MARCHF5: variants seen among roughly 807,000 people sequenced by gnomAD.
MARCHF5 encodes the protein E3 ubiquitin-protein ligase MARCHF5.
A neutral mutation model predicts 36.5 loss-of-function variants in MARCHF5; 5 were observed. That is an observed-to-expected ratio of 0.14 (90% CI 0.07 to 0.29). The LOEUF is 0.29. Ranked by LOEUF, MARCHF5 falls within the 10% of genes least tolerant of loss-of-function variation. The probability of loss-of-function intolerance (pLI) is 1.00; values close to 1 mark genes in which losing one functional copy is unlikely to be tolerated. For missense variants in MARCHF5, 179 were observed against 336.3 expected (o/e 0.53, Z 3.66); for synonymous variants, 103 against 109.9 (o/e 0.94, Z 0.39).
Position 92,352,319 on chromosome 10 carries a change from A to C in MARCHF5, c.*1112A>C, listed in dbSNP as rs1177605149. 1 of 152,192 alleles carries C rather than the reference A, an allele frequency of 6.6e-6. No homozygotes were observed. The highest frequency in any genetic ancestry group is 2.4e-5 in the African/African-American group (1 of 41,436). 9.4% of individuals were successfully genotyped at this position (152,192 alleles called of 1,614,324 possible). On this transcript the variant is annotated 3_prime_UTR_variant, in exon 6 of 6. Transcript: ENST00000358935. ...AGTATGAAAACAAGAAGTCTTAAGT[A>C]AATATTGAGGTCATTGTTTTTGGCT... is the stretch of plus-strand genomic sequence containing the variant.
At chr10:92,330,648 G>C (rs1013675010) in intron 2 of MARCHF5, among the ~76,000 whole-genome samples, 1 of 152,120 alleles carries the variant, frequency 6.6e-6, no homozygotes, top group Admixed American at 6.5e-5. Flanking sequence ...CTACTCCACT[G>C]TCCTATAATG....
chr10:92,337,518 C>A (rs550313013), intron 2 of MARCHF5, among the ~76,000 whole-genome samples: 7 of 151,088 alleles, frequency 4.6e-5, no homozygotes, highest in African/African-American at 1.7e-4. Context: ...AACTCCGTCT[C>A]AAAAAAAATA....
At chr10:92,298,106 A>C (rs1842969234) in intron 1 of MARCHF5, among the ~76,000 whole-genome samples, 1 of 152,162 alleles carries the variant, frequency 6.6e-6, no homozygotes, top group Admixed American at 6.5e-5. Context: ...GCTGAGGCAC[A>C]AGAATCGCTT....
intron 1 of MARCHF5, among the ~76,000 whole-genome samples, chr10:92,307,237 T>G (rs1333214124): frequency 6.8e-6 from 1 of 148,090 alleles, no homozygotes; most frequent in South Asian, 2.2e-4. Flanking sequence ...GCACGTGCCC[T>G]CCCCTCCTTT....
intron 2 of MARCHF5, among the ~76,000 whole-genome samples, chr10:92,322,244 CAAAAAAA>C (rs56391697): frequency 1.8e-4 from 5 of 27,744 alleles, no homozygotes; most frequent in African/African-American, 3.8e-4. Context: ...AACTCCGTCT[CAAAAAAA>C]AAAAAAAAAA....
At chr10:92,295,033 TAAA>T (rs977591976) in intron 1 of MARCHF5, among the ~76,000 whole-genome samples, 1 of 151,362 alleles carries the variant, frequency 6.6e-6, no homozygotes, top group Non-Finnish European at 1.5e-5. Flanking sequence ...GACCCTGTCT[TAAA>T]AAAAAATGTT....
chr10:92,304,580 C>G (rs1590647302), intron 1 of MARCHF5, among the ~76,000 whole-genome samples: 1 of 152,150 alleles, frequency 6.6e-6, no homozygotes, highest in Non-Finnish European at 1.5e-5. Context: ...GGCCTGATAA[C>G]ATTTAGCTCA....
intron 1 of MARCHF5, among the ~76,000 whole-genome samples, chr10:92,295,368 G>A (rs1407844201): frequency 1.7e-5 from 2 of 118,970 alleles, no homozygotes; most frequent in Non-Finnish European, 3.4e-5. Context: ...TGTCACTTGG[G>A]CCAACTGGTG....
At chr10:92,348,043 C>T (rs946062863) in intron 3 of MARCHF5, among the ~76,000 whole-genome samples, 1 of 151,622 alleles carries the variant, frequency 6.6e-6, no homozygotes, top group East Asian at 1.9e-4. Context: ...ATTAGCTGGG[C>T]GTGGAGGTGC....
At chr10:92,334,804 C>T (rs770671773) in intron 2 of MARCHF5, among the ~76,000 whole-genome samples, 26 of 152,194 alleles carry the variant, frequency 1.7e-4, no homozygotes, top group Admixed American at 7.2e-4. Context: ...GTTCTCAGCT[C>T]ACTTTTTTAT....
In MARCHF5 at chr10:92,292,996, A is replaced by G. The variant is rs368372935; in HGVS notation, c.35+1467A>G. 3.4e-3 allele frequency among the ~76,000 whole-genome samples: 511 copies of G among 152,274 alleles called. 2 individuals carry two copies. Among genetic ancestry groups the G allele is most frequent in the Non-Finnish European group, 5.1e-3 (347 of 68,022 alleles). Reference sequence around the variant, plus strand: ...CCAGAGGAAACCACCTGCCACTGCCAGTTCTATTCTGTTGAGACCCTGTTC... The same window carrying G: ...CCAGAGGAAACCACCTGCCACTGCCGGTTCTATTCTGTTGAGACCCTGTTC... On this transcript the variant is annotated intron_variant, in intron 1 of 5. Coordinates refer to ENST00000358935, the MANE Select transcript of MARCHF5 (RefSeq NM_017824.5).
chr10:92,338,252 G>A (rs1211514524), intron 2 of MARCHF5, among the ~76,000 whole-genome samples: 3 of 151,964 alleles, frequency 2.0e-5, no homozygotes, highest in African/African-American at 4.8e-5. Context: ...ATATACTTAC[G>A]GTCTTTAACT....
At chr10:92,320,929 C>G (rs1194918054) in intron 2 of MARCHF5, among the ~76,000 whole-genome samples, 1 of 152,034 alleles carries the variant, frequency 6.6e-6, no homozygotes, top group Admixed American at 6.6e-5. Flanking sequence ...AGACTTCCAG[C>G]CTTGGAAGCT....
Position 92,313,238 on chromosome 10 carries a change from GA to G in MARCHF5, c.238+1907del, listed in dbSNP as rs1843167244. Among the ~76,000 whole-genome samples the G allele has an allele frequency of 4.0e-5, 6 of 151,228 alleles. No individual in the cohort carries two copies. In the South Asian group the frequency reaches 1.3e-3, roughly 32 times the overall value. On this transcript the variant is annotated intron_variant, in intron 2 of 5. Coordinates refer to ENST00000358935, the MANE Select transcript of MARCHF5 (RefSeq NM_017824.5). Reference sequence around the variant, plus strand: ...GACAGAGCCGAGACTCCATCTCAAAGAAAAAAGAAAAGAGTAAAACTCTTTG... The same window carrying G: ...GACAGAGCCGAGACTCCATCTCAAAGAAAAAGAAAAGAGTAAAACTCTTTG...
Position 92,298,867 on chromosome 10 carries a change from T to C in MARCHF5, c.35+7338T>C, listed in dbSNP as rs547953814. 2.6e-5 allele frequency among the ~76,000 whole-genome samples: 4 copies of C among 152,302 alleles called. No homozygotes were observed. In the South Asian group the frequency reaches 8.3e-4, roughly 32 times the overall value. ...CATGAAGCTAGCCAAAACATAAGTTTTTCTTGTTTTCTTTGTTTTTGTTAA... is the reference window on the plus strand; with the variant it reads ...CATGAAGCTAGCCAAAACATAAGTTCTTCTTGTTTTCTTTGTTTTTGTTAA... On this transcript the variant is annotated intron_variant, in intron 1 of 5. Coordinates refer to ENST00000358935, the MANE Select transcript of MARCHF5 (RefSeq NM_017824.5).
At chr10:92,316,543 C>A (rs1843212018) in intron 2 of MARCHF5, among the ~76,000 whole-genome samples, 1 of 152,152 alleles carries the variant, frequency 6.6e-6, no homozygotes, top group Non-Finnish European at 1.5e-5. Flanking sequence ...CCCACTTTTA[C>A]TGAATAGAAG....
At chr10:92,304,430 CAG>C (rs1233175808) in intron 1 of MARCHF5, among the ~76,000 whole-genome samples, 1 of 152,070 alleles carries the variant, frequency 6.6e-6, no homozygotes, top group Non-Finnish European at 1.5e-5. Context: ...GGTTCCTTCT[CAG>C]AATGTTTTTG....
chr10:92,291,847 C>T (rs1040679287), intron 1 of MARCHF5, among the ~76,000 whole-genome samples: 1 of 151,792 alleles, frequency 6.6e-6, no homozygotes, highest in Non-Finnish European at 1.5e-5. Context: ...CCTTCCCCCT[C>T]CCCAACTTGT....
At chr10:92,313,550 A>G (rs1843171153) in intron 2 of MARCHF5, among the ~76,000 whole-genome samples, 1 of 151,782 alleles carries the variant, frequency 6.6e-6, no homozygotes, top group African/African-American at 2.4e-5. Context: ...GCTTGCAGTG[A>G]GCCAAGATAG....
Sources: allele counts gnomAD v4.1 joint callset (sites outside exome capture counted in the v4.1 genomes callset), GRCh38; gene constraint gnomAD v4.1.1; transcripts MANE v1.5; gene names NCBI Gene and HGNC (gene_info 2026-07-23, HGNC 2026-07-21).